The following CMSS1 variants were observed in gnomAD, a reference collection of about 807,000 sequenced individuals.
The protein encoded by CMSS1 is cms1 ribosomal small subunit homolog.
Under a neutral mutation model 43.5 loss-of-function variants are expected in CMSS1, and 33 were observed. That is an observed-to-expected ratio of 0.76 (90% confidence interval 0.57 to 1.01). The LOEUF (loss-of-function observed/expected upper bound fraction) is 1.01. CMSS1 is among the 50% of genes least tolerant of loss of function. The pLI is 0.00. For synonymous variants in CMSS1, 115 were observed against 117.2 expected, an observed-to-expected ratio of 0.98 and a Z score of 0.12; for missense variants, 313 against 326.4, an observed-to-expected ratio of 0.96 and a Z score of 0.32.
intron 1 of CMSS1, among the ~76,000 whole-genome samples, chr3:100,073,498 T>C (rs2065795803): frequency 6.6e-6 from 1 of 152,156 alleles, no homozygotes; most frequent in Non-Finnish European, 1.5e-5. Context: ...AATTGTAGGC[T>C]TAGGTCAAGA....
intron 8 of CMSS1, chr3:100,176,124 G>A: frequency 2.1e-6 from 1 of 473,444 alleles, no homozygotes; most frequent in Non-Finnish European, 3.8e-6. Context: ...CTCAGGAGGA[G>A]TGATGAGATG....
chr3:100,002,856 A>G (rs1486335020), intron 1 of CMSS1, among the ~76,000 whole-genome samples: 1 of 152,208 alleles, frequency 6.6e-6, no homozygotes, highest in Non-Finnish European at 1.5e-5. Context: ...AGGAAGTACC[A>G]GAAACTTCAG....
intron 1 of CMSS1, among the ~76,000 whole-genome samples, chr3:100,130,932 A>G (rs533161229): frequency 1.3e-5 from 2 of 152,352 alleles, no homozygotes; most frequent in African/African-American, 2.4e-5. Context: ...GCATGAAGTG[A>G]TGGGTTGGGA....
At chr3:99,849,093 T>C (rs1419222201) in intron 1 of CMSS1, 2 of 1,614,122 alleles carry the variant, frequency 1.2e-6, no homozygotes, top group East Asian at 2.2e-5. Flanking sequence ...AGGGAATCCA[T>C]AGCTTTCTGT....
chr3:100,137,203 T>G (rs1331770403), intron 1 of CMSS1, among the ~76,000 whole-genome samples: 1 of 152,260 alleles, frequency 6.6e-6, no homozygotes, highest in Non-Finnish European at 1.5e-5. Context: ...AGCAAAACAC[T>G]GTAGACTGTT....
intron 1 of CMSS1, among the ~76,000 whole-genome samples, chr3:100,054,915 GGA>G (rs2065438950): frequency 1.3e-5 from 2 of 152,156 alleles, no homozygotes; most frequent in Admixed American, 6.5e-5. Flanking sequence ...TGTTAAGCTT[GGA>G]TTTCATTAAT....
chr3:100,177,177 A>G (rs923438821), intron 9 of CMSS1, among the ~76,000 whole-genome samples: 6 of 152,208 alleles, frequency 3.9e-5, no homozygotes, highest in African/African-American at 1.4e-4. Flanking sequence ...TTAATTTATC[A>G]CATAAAGCTA....
At chr3:100,030,831 C>T (rs747230799) in intron 1 of CMSS1, among the ~76,000 whole-genome samples, 1 of 152,076 alleles carries the variant, frequency 6.6e-6, no homozygotes, top group Non-Finnish European at 1.5e-5. Flanking sequence ...CAATTTATAA[C>T]CTAATAAGGT....
In CMSS1 at chr3:99,872,269, CTGTGTGTGTGTGTGTGTG is replaced by C. The variant is rs55727823; in HGVS notation, c.64+54263_64+54280del. Among the ~76,000 whole-genome samples, 109 of 110,822 alleles carry C rather than the reference CTGTGTGTGTGTGTGTGTG, an allele frequency of 9.8e-4. No homozygotes were observed. In the East Asian group the frequency reaches 0.011, roughly 11 times the overall value. 72.7% of individuals were successfully genotyped at this position (110,822 alleles called of 152,430 possible). A position where few individuals can be genotyped will look rare whatever the true frequency, so the allele number is the denominator to read the frequency against. ...ATTCTGTGGATATTCTGTGCCAGGA[CTGTGTGTGTGTGTGTGTG>C]TGTGTGTGTGTGTGTGTGTGTGTGT... On this transcript the variant is annotated intron_variant, in intron 1 of 9. Transcript: ENST00000421999.
intron 1 of CMSS1, among the ~76,000 whole-genome samples, chr3:99,893,342 T>A (rs1049999872): frequency 6.6e-6 from 1 of 152,000 alleles, no homozygotes; most frequent in African/African-American, 2.4e-5. Flanking sequence ...ATTTTTTGTA[T>A]TTTTAGTGGA....
chr3:100,120,823 G>C (rs924272655), intron 1 of CMSS1, among the ~76,000 whole-genome samples: 1 of 152,102 alleles, frequency 6.6e-6, no homozygotes, highest in Non-Finnish European at 1.5e-5. Context: ...AGGAGCAGTA[G>C]GTTTCTGGCA....
At chr3:100,176,222 A>T in intron 8 of CMSS1, 105 bp from the exon 9 acceptor site, 1 of 705,824 alleles carries the variant, frequency 1.4e-6, no homozygotes. Flanking sequence ...ACTGGGGGAG[A>T]GGACAACATA....
chr3:99,979,042 G>A (rs1233719251), intron 1 of CMSS1, among the ~76,000 whole-genome samples: 1 of 152,122 alleles, frequency 6.6e-6, no homozygotes, highest in Non-Finnish European at 1.5e-5. Flanking sequence ...GGCGACTAGA[G>A]GGTGTAGTTA....
chr3:100,138,444 C>G (rs962477145), intron 1 of CMSS1, among the ~76,000 whole-genome samples: 2 of 152,142 alleles, frequency 1.3e-5, no homozygotes, highest in African/African-American at 2.4e-5. Flanking sequence ...ATCTACCTAT[C>G]TGACAAAGGT....
chr3:100,125,383 G>C (rs77823009), intron 1 of CMSS1, among the ~76,000 whole-genome samples: 3,274 of 152,262 alleles, frequency 0.022, 57 homozygotes, highest in Non-Finnish European at 0.033. Flanking sequence ...TTAGGGGCCT[G>C]GGAGACACAT....
chr3:99,878,379 A>C (rs1359524914), intron 1 of CMSS1, among the ~76,000 whole-genome samples: 1 of 152,254 alleles, frequency 6.6e-6, no homozygotes, highest in Non-Finnish European at 1.5e-5. Flanking sequence ...AGAAGGCTAA[A>C]GTGGCTTGAC....
chr3:99,863,176 C>T (rs1944345463), intron 1 of CMSS1, among the ~76,000 whole-genome samples: 1 of 152,136 alleles, frequency 6.6e-6, no homozygotes, highest in African/African-American at 2.4e-5. Flanking sequence ...GATCATCAGG[C>T]ATTAGATTCT....
intron 4 of CMSS1, among the ~76,000 whole-genome samples, chr3:100,163,948 A>T (rs1407056782): frequency 6.6e-6 from 1 of 152,250 alleles, no homozygotes. Flanking sequence ...GCTGAAAAAC[A>T]ATCTGTTCCC....
chr3:100,146,533 G>A (rs879256416), intron 1 of CMSS1, among the ~76,000 whole-genome samples: 3 of 152,156 alleles, frequency 2.0e-5, no homozygotes, highest in Admixed American at 6.5e-5. Context: ...TTTCATATCT[G>A]TAAAATCAGT....
Sources: allele counts gnomAD v4.1 joint callset (sites outside exome capture counted in the v4.1 genomes callset), GRCh38; gene constraint gnomAD v4.1.1; transcripts MANE v1.5; gene names NCBI Gene and HGNC (gene_info 2026-07-23, HGNC 2026-07-21).